Variants in KIF21B observed in about 807,000 individuals in gnomAD.
KIF21B encodes kinesin family member 21B.
A neutral mutation model predicts 192.9 loss-of-function variants in KIF21B; 85 were observed. The ratio of observed to expected loss-of-function variants is 0.44; its 90% CI spans 0.37 to 0.53. The LOEUF is 0.53. Ranked by LOEUF, KIF21B falls within the 20% of genes least tolerant of loss-of-function variation. The pLI is 0.00. For missense variants in KIF21B, 1,716 were observed against 2,194.8 expected (o/e 0.78, Z 4.36); for synonymous variants, 832 against 884.6 (o/e 0.94, Z 1.05).
In KIF21B at chr1:200,971,807, A is replaced by C. The variant is rs1370084739; in HGVS notation, c.*1714T>G. On this transcript the variant is annotated 3_prime_UTR_variant, in exon 35 of 35. Coordinates refer to ENST00000461742, the MANE Select transcript of KIF21B (RefSeq NM_001252102.2). ...GGCAGCTCCGAGGAGGGCACGGGGAAGGGACCAGGCCTCACTCAGCCTCCA... is the reference window on the plus strand; with the variant it reads ...GGCAGCTCCGAGGAGGGCACGGGGACGGGACCAGGCCTCACTCAGCCTCCA... 1 of 152,586 alleles carries C rather than the reference A, an allele frequency of 6.6e-6. No individual in the cohort carries two copies. Among genetic ancestry groups the C allele is most frequent in the Non-Finnish European group, 1.5e-5 (1 of 68,336 alleles). The allele number at this position is 152,586 out of a possible 1,614,324, so 9.5% of individuals were successfully genotyped here. A position where few individuals can be genotyped will look rare whatever the true frequency, so the allele number is the denominator to read the frequency against.
At chr1:200,993,396 C>A (rs113968026) in intron 15 of KIF21B, among the ~76,000 whole-genome samples, 2 of 152,306 alleles carry the variant, frequency 1.3e-5, no homozygotes, top group African/African-American at 4.8e-5. Flanking sequence ...GGACCAGAAG[C>A]CTCGAACATC....
rs771515939 is a variant in KIF21B, at chr1:200,990,017, G to A, written c.3057C>T (p.Ser1019=). Reference sequence around the variant, plus strand: ...CCAGGGAGCAGGAGCTGATGACCACGGATGTGTCTGTGGAGTCCAGCTCCT... The same window carrying A: ...CCAGGGAGCAGGAGCTGATGACCACAGATGTGTCTGTGGAGTCCAGCTCCT... ...TKEELDSTDT[S]VVISSCSLAE... is the part of the protein sequence containing the mutation. Residue 1019 remains serine, a synonymous_variant, in exon 21 of 35, where the codon TCC becomes TCT. Transcript: ENST00000461742. This position sits in a 1 kb window ranked among gnomAD's most constrained non-coding sequence, Gnocchi z 5.4. 2.2e-5 allele frequency: 36 copies of A among 1,613,948 alleles called. No individual in the cohort carries two copies. The highest frequency in any genetic ancestry group is 1.6e-4 in the Middle Eastern group (1 of 6,062).
rs371947852 is a variant in KIF21B at position 201,000,468 on chromosome 1, T to C, written c.1607A>G (p.Asp536Gly). The change falls in exon 11 of 35, where the codon GAT becomes GGT. Residue 536 changes from aspartate (D) to glycine (G), a missense_variant. Around this residue, in one of 3 missense-constraint regions of KIF21B, gnomAD observed 1,087 missense variants for 1,316.6 expected, o/e 0.83. Coordinates refer to ENST00000461742, the MANE Select transcript of KIF21B (RefSeq NM_001252102.2). This position sits in a 1 kb window ranked among gnomAD's most constrained non-coding sequence, Gnocchi z 6.0. ...GGCCCTGCGGATCACCTCCGAGGCA[T>C]CCTCCATGGAGCTGGCAGGGCTGCC... ...FGGSPASSMEDASEVIRRAKQ... is the reference protein window; with the variant it reads ...FGGSPASSMEGASEVIRRAKQ... The C allele has an allele frequency of 6.9e-6, 11 of 1,599,296 alleles. No homozygotes were observed. In the South Asian group the frequency reaches 1.1e-4, roughly 16 times the overall value.
At chr1:200,980,828 A>T (rs1655860101) in intron 29 of KIF21B, 132 bp downstream of exon 29, 23 of 1,136,406 alleles carry the variant, frequency 2.0e-5, no homozygotes, top group Non-Finnish European at 2.8e-5. Flanking sequence ...CAAGGGTAGT[A>T]AGCAAATAGA....
chr1:201,006,372 C>T (rs1657820914), intron 3 of KIF21B, among the ~76,000 whole-genome samples: 1 of 152,148 alleles, frequency 6.6e-6, no homozygotes, highest in South Asian at 2.1e-4. Flanking sequence ...GTGTCACCTG[C>T]TGAAGAGCTG....
chr1:200,977,337 G>A lies in KIF21B; in HGVS notation c.4200C>T (p.Ala1400=), dbSNP rs751643082. ...GQVISGDACA[A]TSTRAITSAQ... ...CACTGGTGATGGCACGGGTGGATGT[G>A]GCGGCACAGGCATCCCCTGAGATCA... The change falls in exon 31 of 35, where the codon GCC becomes GCT. Residue 1400 remains alanine, a synonymous_variant. Coordinates refer to ENST00000461742, the MANE Select transcript of KIF21B (RefSeq NM_001252102.2). 8 of 1,614,132 alleles carry A rather than the reference G, an allele frequency of 5.0e-6. No homozygotes were observed. Among genetic ancestry groups the A allele is most frequent in the Non-Finnish European group, 5.9e-6 (7 of 1,180,044 alleles).
rs1656449346 is a variant in KIF21B, at chr1:200,988,504, G to A, written c.3339C>T (p.Phe1113=). 2 of 1,434,824 alleles carry A rather than the reference G, an allele frequency of 1.4e-6. No individual in the cohort carries two copies. The highest frequency in any genetic ancestry group is 2.9e-5 in the African/African-American group (2 of 69,780). The allele number at this position is 1,434,824 out of a possible 1,614,324, so 88.9% of individuals were successfully genotyped here. The change falls in exon 23 of 35, where the codon TTC becomes TTT. Residue 1113 remains phenylalanine (F), a synonymous_variant. Transcript: ENST00000461742. ...GCTTGCAAACTCACCTGCCCTCAGA[G>A]AACTCTGAGATCTCCTCATCTGTGC... is the stretch of plus-strand genomic sequence containing the variant. ...YASTDEEISE[F]SEGSFSQSFT...
intron 15 of KIF21B, among the ~76,000 whole-genome samples, chr1:200,994,110 C>G (rs1003725545): frequency 6.6e-6 from 1 of 152,200 alleles, no homozygotes; most frequent in Non-Finnish European, 1.5e-5. Flanking sequence ...AAGACTCATC[C>G]ACCCGACTTT....
intron 3 of KIF21B, 22 bp downstream of exon 3, chr1:201,008,747 C>A: frequency 6.4e-7 from 1 of 1,563,890 alleles, no homozygotes; most frequent in South Asian, 1.2e-5. Flanking sequence ...TCCCACCTGC[C>A]CACCCTATGG....
At position 201,005,605 on chromosome 1, in the gene KIF21B, G is replaced by A. The variant is rs763083427; in HGVS notation, c.537C>T (p.Asp179=). ...CAGTGGTGTAGATGCCACCGTTTGC[G>A]TCCTCGTGGATCTTGATGTTGGACC... ...HRRSNIKIHE[D]ANGGIYTTGV... is the part of the protein sequence containing the mutation. The change falls in exon 4 of 35, where the codon GAC becomes GAT. Residue 179 remains aspartate (D), a synonymous_variant. Transcript: ENST00000461742. The A allele has an allele frequency of 3.3e-5, 54 of 1,613,768 alleles. No individual in the cohort carries two copies. The highest frequency in any genetic ancestry group is 1.1e-4 in the East Asian group (5 of 44,878).
rs1558014877 is a variant in KIF21B, at chr1:200,998,681, CCAAT to C, written c.1886-110_1886-107del. ...GGGACCCTCCTTTGGTCAGCCATGA[CCAAT>C]CAGTGACCAGAGACTGGGCAAAATG... On this transcript the variant is annotated intron_variant, in intron 13 of 34. Transcript: ENST00000461742. This position sits in a 1 kb window ranked among gnomAD's most constrained non-coding sequence, Gnocchi z 4.3. 2.1e-6 allele frequency: 2 copies of C among 965,854 alleles called. No homozygotes were observed. Among genetic ancestry groups the C allele is most frequent in the Non-Finnish European group, 1.6e-6 (1 of 640,212 alleles). The allele number at this position is 965,854 out of a possible 1,614,324, so 59.8% of individuals were successfully genotyped here. A position where few individuals can be genotyped will look rare whatever the true frequency, so the allele number is the denominator to read the frequency against.
At chr1:200,977,434 G>A in intron 30 of KIF21B, 58 bp from the exon 31 acceptor site, 1 of 1,567,630 alleles carries the variant, frequency 6.4e-7, no homozygotes, top group Non-Finnish European at 8.7e-7. Flanking sequence ...CACAGTGCAG[G>A]AAACCAATAA....
chr1:201,011,175 TC>T (rs1658213736), intron 1 of KIF21B, among the ~76,000 whole-genome samples: 1 of 152,260 alleles, frequency 6.6e-6, no homozygotes, highest in South Asian at 2.1e-4. Context: ...TGCTCATCCT[TC>T]TGGACCTCCA....
In KIF21B at chr1:201,004,899, G is replaced by A. The variant is rs143968787; in HGVS notation, c.767C>T (p.Thr256Ile). 1 of 1,610,680 alleles carries A rather than the reference G, an allele frequency of 6.2e-7. No homozygotes were observed. The change falls in exon 6 of 35, where the codon ACA becomes ATA. Residue 256 changes from threonine (T) to isoleucine (I), a missense_variant. This residue lies in a region of KIF21B where 1,087 missense variants were observed against 1,316.6 expected (regional missense o/e 0.83). Transcript: ENST00000461742. Reference protein sequence around the residue: ...NEAVTGLPDGTPPSSEYETLT... With the variant: ...NEAVTGLPDGIPPSSEYETLT... Reference sequence around the variant, plus strand: ...TGTCTCATACTCACTCGAGGGAGGTGTACCATCAGGAAGCCCAGTCACCGC... The same window carrying A: ...TGTCTCATACTCACTCGAGGGAGGTATACCATCAGGAAGCCCAGTCACCGC...
At chr1:200,989,014 C>G (rs1656499782) in intron 21 of KIF21B, 83 bp from the exon 22 acceptor site, 2 of 1,377,606 alleles carry the variant, frequency 1.5e-6, no homozygotes, top group South Asian at 2.9e-5. Context: ...CCCCTCAAGA[C>G]ACCTTGGAGT....
intron 1 of KIF21B, among the ~76,000 whole-genome samples, chr1:201,010,536 C>T (rs1275218158): frequency 6.6e-6 from 1 of 152,166 alleles, no homozygotes; most frequent in Non-Finnish European, 1.5e-5. Context: ...GCGGAAAGCA[C>T]CACCCCCACC....
rs1357484730 is a variant in KIF21B at position 201,002,355 on chromosome 1, G to A, written c.1213-5C>T. Reference sequence around the variant, plus strand: ...CTCTCCTATCACTCGCTTGCCCTGGGAGCAGGGGCAAAGGGGAGCAGTCAG... The same window carrying A: ...CTCTCCTATCACTCGCTTGCCCTGGAAGCAGGGGCAAAGGGGAGCAGTCAG... On this transcript the variant is annotated splice_region_variant and splice_polypyrimidine_tract_variant and intron_variant, in intron 8 of 34. Coordinates refer to ENST00000461742, the MANE Select transcript of KIF21B (RefSeq NM_001252102.2). 1 of 1,610,282 alleles carries A rather than the reference G, an allele frequency of 6.2e-7. No individual in the cohort carries two copies.
chr1:200,974,636 C>T, intron 34 of KIF21B, 78 bp downstream of exon 34: 1 of 1,495,076 alleles, frequency 6.7e-7, no homozygotes, highest in Non-Finnish European at 9.2e-7. Flanking sequence ...CTGCAGGGCC[C>T]TGAGCCTCCC....
Position 201,003,380 on chromosome 1 carries a change from A to C in KIF21B, c.1212+206T>G, listed in dbSNP as rs971546984. On this transcript the variant is annotated intron_variant, in intron 8 of 34. Coordinates refer to ENST00000461742, the MANE Select transcript of KIF21B (RefSeq NM_001252102.2). ...TTCTAAAATCTTGAGGGCTCAGACT[A>C]TGCTTGATTCACATGGGTGAGTCCC... 3 of 612,732 alleles carry C rather than the reference A, an allele frequency of 4.9e-6. No individual in the cohort carries two copies. The African/African-American group carries it at 5.5e-5, about 11-fold the overall frequency. The allele number at this position is 612,732 out of a possible 1,614,324, so 38.0% of individuals were successfully genotyped here.
Sources: allele counts gnomAD v4.1 joint callset (sites outside exome capture counted in the v4.1 genomes callset), GRCh38; gene constraint gnomAD v4.1.1; regional missense constraint gnomAD v4.1.1; non-coding constraint Gnocchi (gnomAD v3.1); transcripts MANE v1.5; gene names NCBI Gene and HGNC (gene_info 2026-07-23, HGNC 2026-07-21).